The following WBP1L variants were observed in gnomAD, a reference collection of about 807,000 sequenced individuals.
WBP1L encodes WW domain binding protein 1-like.
A neutral mutation model predicts 33.7 loss-of-function variants in WBP1L; 17 were observed. The observed-to-expected ratio is 0.50, with a 90% CI of 0.34 to 0.76. The LOEUF (loss-of-function observed/expected upper bound fraction) is 0.76, where lower values mean the gene tolerates loss of function less well. Ranked by LOEUF, WBP1L falls within the 30% of genes least tolerant of loss-of-function variation. The pLI is 0.01. For missense variants in WBP1L, 389 were observed against 469.4 expected (o/e 0.83, Z 1.58); for synonymous variants, 173 against 190.8 (o/e 0.91, Z 0.77).
chr10:102,744,741 G>A (rs971481390), intron 1 of WBP1L, among the ~76,000 whole-genome samples: 1 of 152,200 alleles, frequency 6.6e-6, no homozygotes, highest in African/African-American at 2.4e-5. Context: ...CCCCTCAGGA[G>A]GAGGAGCACA....
chr10:102,808,121 G>A lies in WBP1L; in HGVS notation c.194-1772G>A, dbSNP rs1043197058. Among the ~76,000 whole-genome samples the A allele has an allele frequency of 2.0e-5, 3 of 152,088 alleles. No homozygotes were observed. In the South Asian group the frequency reaches 6.2e-4, roughly 32 times the overall value. ...TTGCGCCCAGAAGGTTGAGGCTTCGGTTGAGCTGTGATCGCACCACTGTAC... is the reference window on the plus strand; with the variant it reads ...TTGCGCCCAGAAGGTTGAGGCTTCGATTGAGCTGTGATCGCACCACTGTAC... On this transcript the variant is annotated intron_variant, in intron 2 of 3. Coordinates refer to ENST00000448841, the MANE Select transcript of WBP1L (RefSeq NM_001083913.2).
chr10:102,799,123 C>T (rs906085363), intron 2 of WBP1L, among the ~76,000 whole-genome samples: 7 of 152,156 alleles, frequency 4.6e-5, no homozygotes, highest in Non-Finnish European at 7.3e-5. Context: ...CCCAAGAGTT[C>T]AATACCAGCC....
At chr10:102,758,056 T>G (rs1284468891) in intron 1 of WBP1L, among the ~76,000 whole-genome samples, 1 of 151,722 alleles carries the variant, frequency 6.6e-6, no homozygotes, top group Non-Finnish European at 1.5e-5. Context: ...GGCTAATTTT[T>G]GTATTTTTAG....
intron 1 of WBP1L, among the ~76,000 whole-genome samples, chr10:102,747,872 G>A (rs1842882911): frequency 6.6e-6 from 1 of 152,048 alleles, no homozygotes; most frequent in South Asian, 2.1e-4. Context: ...AGTTTTGGTA[G>A]AAATGTCTTT....
intron 1 of WBP1L, among the ~76,000 whole-genome samples, chr10:102,744,878 G>C (rs1842846340): frequency 6.6e-6 from 1 of 152,186 alleles, no homozygotes; most frequent in Non-Finnish European, 1.5e-5. Flanking sequence ...GGCAGCAAAT[G>C]GAGCACCCTA....
At chr10:102,775,865 A>G (rs1162331319) in intron 1 of WBP1L, among the ~76,000 whole-genome samples, 1 of 152,166 alleles carries the variant, frequency 6.6e-6, no homozygotes, top group African/African-American at 2.4e-5. Context: ...TAGGAGCTAC[A>G]AAGTCAGTCC....
intron 2 of WBP1L, among the ~76,000 whole-genome samples, chr10:102,800,561 G>C (rs1843641979): frequency 6.6e-6 from 1 of 152,218 alleles, no homozygotes; most frequent in Non-Finnish European, 1.5e-5. Context: ...GCCCAGCAGA[G>C]AGCAGTGTCT....
At chr10:102,781,871 G>T (rs959475862) in intron 1 of WBP1L, among the ~76,000 whole-genome samples, 11 of 125,896 alleles carry the variant, frequency 8.7e-5, no homozygotes, top group Admixed American at 2.6e-4. Context: ...ATTTTTTTTG[G>T]GGGGGGTGGG....
chr10:102,747,826 C>A (rs1842882437), intron 1 of WBP1L, among the ~76,000 whole-genome samples: 1 of 152,140 alleles, frequency 6.6e-6, no homozygotes, highest in African/African-American at 2.4e-5. Flanking sequence ...CTCTGCCCAG[C>A]CTAAACAGAA....
intron 2 of WBP1L, among the ~76,000 whole-genome samples, chr10:102,809,518 C>A (rs1026523531): frequency 6.6e-6 from 1 of 151,778 alleles, no homozygotes; most frequent in African/African-American, 2.4e-5. Flanking sequence ...ATTACAGGCG[C>A]CTGCCACCAT....
At chr10:102,784,373 AT>A (rs1307179412) in intron 1 of WBP1L, among the ~76,000 whole-genome samples, 3 of 147,982 alleles carry the variant, frequency 2.0e-5, no homozygotes, top group Non-Finnish European at 4.5e-5. Flanking sequence ...ACTGAAGTCT[AT>A]TTTAATCTTA....
At position 102,743,996 on chromosome 10, in the gene WBP1L, A is replaced by AGGGAGG. The variant is rs569897242; in HGVS notation, c.-57_-52dup. 3.3e-3 allele frequency: 4,000 copies of AGGGAGG among 1,225,288 alleles called. 10 individuals are homozygous for AGGGAGG. The highest frequency in any genetic ancestry group is 4.0e-3 in the Non-Finnish European group (3,423 of 857,866). 75.9% of individuals were successfully genotyped at this position (1,225,288 alleles called of 1,614,324 possible). A position where few individuals can be genotyped will look rare whatever the true frequency, so the allele number is the denominator to read the frequency against. On this transcript the variant is annotated 5_prime_UTR_variant, in exon 1 of 4. Transcript: ENST00000448841. ...AAGGAAGAAGAGGGTAGAGGAGGAG[A>AGGGAGG]GGGAGGAGGAGGAGGGAGGTGGCGG...
At chr10:102,809,571 C>G (rs1017094295) in intron 2 of WBP1L, among the ~76,000 whole-genome samples, 1 of 152,062 alleles carries the variant, frequency 6.6e-6, no homozygotes, top group African/African-American at 2.4e-5. Context: ...GGGGGTTTCA[C>G]CATGTTGGCC....
Position 102,812,882 on chromosome 10 carries a change from A to T in WBP1L, c.643A>T (p.Met215Leu). The T allele has an allele frequency of 6.3e-7, 1 of 1,574,872 alleles. No homozygotes were observed. Among genetic ancestry groups the T allele is most frequent in the Non-Finnish European group, 8.6e-7 (1 of 1,158,378 alleles). Residue 215 changes from methionine to leucine, a missense_variant, in exon 4 of 4, where the codon ATG becomes TTG. Transcript: ENST00000448841. ...CCGAGCAGCCACCAAAGCCCCAGGG[A>T]TGGAGCCCAGTGGCTCTGTGGCTGG... Reference protein sequence around the residue: ...VDRAATKAPGMEPSGSVAGLG... With the variant: ...VDRAATKAPGLEPSGSVAGLG...
chr10:102,785,517 C>T (rs7080587), intron 1 of WBP1L, among the ~76,000 whole-genome samples: 79,031 of 150,056 alleles, frequency 0.53, 21,579 homozygotes, highest in Middle Eastern at 0.63. Flanking sequence ...TGAAAAACAA[C>T]GGTGCCATGT....
intron 3 of WBP1L, among the ~76,000 whole-genome samples, chr10:102,810,969 C>T (rs1185818136): frequency 6.6e-6 from 1 of 150,566 alleles, no homozygotes; most frequent in East Asian, 2.0e-4. Context: ...TTCCTTCTTC[C>T]CTCCCTCCCT....
chr10:102,766,830 TCA>T (rs779038557), intron 1 of WBP1L, among the ~76,000 whole-genome samples: 929 of 71,472 alleles, frequency 0.013, 2 homozygotes, highest in Middle Eastern at 0.033. Context: ...AGACTCTGTC[TCA>T]AAAAAAAAAA....
In WBP1L at chr10:102,785,036, C is replaced by T. The variant is rs1263051884; in HGVS notation, c.91-12957C>T. 7.2e-5 allele frequency among the ~76,000 whole-genome samples: 11 copies of T among 152,030 alleles called. No individual in the cohort carries two copies. The East Asian group carries it at 7.8e-4, about 11-fold the overall frequency. ...GATTACAGGCACCCGCCATCATGCC[C>T]GGCTAAATTTTGTATTTTGTAGAGA... On this transcript the variant is annotated intron_variant, in intron 1 of 3. Coordinates refer to ENST00000448841, the MANE Select transcript of WBP1L (RefSeq NM_001083913.2).
intron 2 of WBP1L, among the ~76,000 whole-genome samples, chr10:102,807,012 A>G (rs2134065839): frequency 6.6e-6 from 1 of 152,294 alleles, no homozygotes; most frequent in Non-Finnish European, 1.5e-5. Flanking sequence ...TTTTTTAAAC[A>G]AGGTTAACTT....
Sources: allele counts gnomAD v4.1 joint callset (sites outside exome capture counted in the v4.1 genomes callset), GRCh38; gene constraint gnomAD v4.1.1; transcripts MANE v1.5; gene names NCBI Gene and HGNC (gene_info 2026-07-23, HGNC 2026-07-21).